The following TRPV3 variants were observed in gnomAD, a reference collection of about 807,000 sequenced individuals.
TRPV3 encodes the protein transient receptor potential cation channel subfamily V member 3, also known as VRL-3.
A neutral mutation model predicts 87.1 loss-of-function variants in TRPV3; 88 were observed. The ratio of observed to expected loss-of-function variants is 1.01; its 90% CI spans 0.85 to 1.21. The LOEUF is 1.21. TRPV3 is among the 50% of genes most tolerant of loss of function. TRPV3 has a pLI of 0.00. For synonymous variants in TRPV3, 438 were observed against 423.3 expected (o/e 1.03, Z -0.43); for missense variants, 1,054 against 1,030.1 (o/e 1.02, Z -0.32).
At chr17:3,514,289 G>T (rs561965329) in intron 17 of TRPV3, 1 of 490,000 alleles carries the variant, frequency 2.0e-6, no homozygotes, top group African/African-American at 1.9e-5. Context: ...ATGTTGGCCA[G>T]GCTGGTCTCA....
At chr17:3,535,241 TCCCC>T (rs1273126662) in intron 7 of TRPV3, among the ~76,000 whole-genome samples, 2 of 13,298 alleles carry the variant, frequency 1.5e-4, no homozygotes, top group Non-Finnish European at 1.9e-4. Flanking sequence ...CCTCCCTCCC[TCCCC>T]CTCCTTACTC....
chr17:3,538,442 A>C (rs953878040), intron 6 of TRPV3, among the ~76,000 whole-genome samples: 5 of 151,752 alleles, frequency 3.3e-5, no homozygotes, highest in African/African-American at 1.2e-4. Flanking sequence ...AAGAACAAAA[A>C]AAAAAAAAAA....
chr17:3,512,503 T>C lies in TRPV3; in HGVS notation c.*1414A>G, dbSNP rs1216585638. 6.6e-6 allele frequency: 1 copy of C among 152,254 alleles called. No homozygotes were observed. The highest frequency in any genetic ancestry group is 2.4e-5 in the African/African-American group (1 of 41,470). The allele number at this position is 152,254 out of a possible 1,614,324, so 9.4% of individuals were successfully genotyped here. A position where few individuals can be genotyped will look rare whatever the true frequency, so the allele number is the denominator to read the frequency against. ...GATGAACTTATCTATCGCCATGTTATCTGAAGGCCAAATTTCTATTTCTGC... is the reference window on the plus strand; with the variant it reads ...GATGAACTTATCTATCGCCATGTTACCTGAAGGCCAAATTTCTATTTCTGC... On this transcript the variant is annotated 3_prime_UTR_variant, in exon 18 of 18. Coordinates refer to ENST00000576742, the MANE Select transcript of TRPV3 (RefSeq NM_145068.4).
chr17:3,519,565 GATGGATGGATGATTAAATGGATGA>G (rs1211939211), intron 14 of TRPV3, among the ~76,000 whole-genome samples: 4 of 143,682 alleles, frequency 2.8e-5, no homozygotes, highest in Non-Finnish European at 6.0e-5. Context: ...TTGATCGATG[GATGGATGGATGATTAAATGGATGA>G]ATGGATGGAT....
chr17:3,517,525 G>T (rs1338537219), intron 15 of TRPV3, among the ~76,000 whole-genome samples: 1 of 151,162 alleles, frequency 6.6e-6, no homozygotes, highest in Non-Finnish European at 1.5e-5. Flanking sequence ...AGGCTGAGGT[G>T]GGAGAATCAC....
At chr17:3,551,042 T>C (rs1049077474) in intron 2 of TRPV3, among the ~76,000 whole-genome samples, 4 of 152,170 alleles carry the variant, frequency 2.6e-5, no homozygotes, top group African/African-American at 9.7e-5. Flanking sequence ...TCCTTCCAGT[T>C]GAAGACAGGG....
chr17:3,524,284 G>T lies in TRPV3; in HGVS notation c.1657C>A (p.Leu553Met), dbSNP rs1156849371. 1 of 1,614,292 alleles carries T rather than the reference G, an allele frequency of 6.2e-7. No individual in the cohort carries two copies. The highest frequency in any genetic ancestry group is 1.1e-5 in the South Asian group (1 of 91,092). ...AYKEYLACLV[L>M]AMALGWANML... ...TTCGCCCAGCCCAGGGCCATGGCCA[G>T]CACGAGGCAGGCGAGGTACTCTTTG... The change falls in exon 13 of 18, where the codon CTG becomes ATG. Residue 553 changes from leucine (L) to methionine (M), a missense_variant. Leu to Met is a conservative substitution (Grantham distance 15). Coordinates refer to ENST00000576742, the MANE Select transcript of TRPV3 (RefSeq NM_145068.4).
chr17:3,525,732 G>T (rs1181581087), intron 12 of TRPV3, among the ~76,000 whole-genome samples: 1 of 151,044 alleles, frequency 6.6e-6, no homozygotes, highest in Non-Finnish European at 1.5e-5. Context: ...CAATTCTCCT[G>T]CCTCAGCCTC....
At chr17:3,539,757 A>G (rs996545084) in intron 6 of TRPV3, 19 of 152,268 alleles carry the variant, frequency 1.2e-4, no homozygotes, top group African/African-American at 4.1e-4. Flanking sequence ...TCTTAACTTC[A>G]TGTTTAAAAT....
intron 7 of TRPV3, among the ~76,000 whole-genome samples, chr17:3,535,292 T>C: frequency 1.2e-5 from 1 of 81,666 alleles, no homozygotes; most frequent in Non-Finnish European, 2.4e-5. Context: ...CCTTCCTCCC[T>C]CCTTCCTGCT....
rs567887181 is a variant in TRPV3, at chr17:3,533,915, G to C, written c.785-978C>G. ...AGAATGTAAGTTCCATGAGGGCAAG[G>C]ATCTCTATTTTGTTCACTGATACAT... is the stretch of plus-strand genomic sequence containing the variant. On this transcript the variant is annotated intron_variant, in intron 7 of 17. Transcript: ENST00000576742. Among the ~76,000 whole-genome samples the C allele has an allele frequency of 5.9e-5, 9 of 152,266 alleles. No homozygotes were observed. In the South Asian group the frequency reaches 1.0e-3, roughly 18 times the overall value.
Position 3,527,826 on chromosome 17 carries a change from A to T in TRPV3, c.1503+199T>A, listed in dbSNP as rs2074313175. On this transcript the variant is annotated intron_variant, in intron 11 of 17. Coordinates refer to ENST00000576742, the MANE Select transcript of TRPV3 (RefSeq NM_145068.4). ...AAATGGCGGATAGTTGGGCAGATGG[A>T]TAGAGAAGTAGATGGATGAAGTAGG... 3 of 582,928 alleles carry T rather than the reference A, an allele frequency of 5.1e-6. No homozygotes were observed. In the Admixed American group the frequency reaches 9.0e-5, roughly 17 times the overall value. 36.1% of individuals were successfully genotyped at this position (582,928 alleles called of 1,614,324 possible). A position where few individuals can be genotyped will look rare whatever the true frequency, so the allele number is the denominator to read the frequency against.
At chr17:3,550,827 T>G (rs573967400) in intron 2 of TRPV3, among the ~76,000 whole-genome samples, 1 of 152,252 alleles carries the variant, frequency 6.6e-6, no homozygotes, top group Admixed American at 6.5e-5. Context: ...CCCGGCCTCC[T>G]GCCTGCTCTT....
chr17:3,535,250 T>TCCCCCC (rs2074393344), intron 7 of TRPV3, among the ~76,000 whole-genome samples: 1 of 16,800 alleles, frequency 6.0e-5, no homozygotes, highest in Non-Finnish European at 1.2e-4. Context: ...CTCCCCCTCC[T>TCCCCCC]TACTCCTCCT....
At chr17:3,549,877 A>G (rs895224457) in intron 2 of TRPV3, among the ~76,000 whole-genome samples, 1 of 151,380 alleles carries the variant, frequency 6.6e-6, no homozygotes, top group African/African-American at 2.4e-5. Context: ...ATATGTATGT[A>G]TGGATGGATG....
chr17:3,523,758 A>G (rs1567632744), intron 13 of TRPV3, among the ~76,000 whole-genome samples: 1 of 151,778 alleles, frequency 6.6e-6, no homozygotes, highest in Non-Finnish European at 1.5e-5. Context: ...TCTGAGACTC[A>G]ACTGGCTATG....
intron 6 of TRPV3, among the ~76,000 whole-genome samples, chr17:3,541,424 G>A (rs186063087): frequency 1.3e-5 from 2 of 152,166 alleles, no homozygotes; most frequent in African/African-American, 4.8e-5. Context: ...TCAGCAAGAC[G>A]GCATCCAATT....
intron 15 of TRPV3, among the ~76,000 whole-genome samples, chr17:3,517,619 CAAAA>C (rs34610978): frequency 3.1e-5 from 2 of 65,356 alleles, no homozygotes; most frequent in Non-Finnish European, 5.2e-5. Context: ...GACCCTGTCT[CAAAA>C]AAAAAAAAAA....
chr17:3,527,947 T>C (rs1193060391), intron 11 of TRPV3, 78 bp downstream of exon 11: 3 of 1,125,516 alleles, frequency 2.7e-6, no homozygotes. Flanking sequence ...CCAGCAGTAA[T>C]GGCAGAGCAG....
Sources: allele counts gnomAD v4.1 joint callset (sites outside exome capture counted in the v4.1 genomes callset), GRCh38; gene constraint gnomAD v4.1.1; transcripts MANE v1.5; gene names NCBI Gene and HGNC (gene_info 2026-07-23, HGNC 2026-07-21).